The following MYH10 variants were observed in gnomAD, a reference collection of about 807,000 sequenced individuals.
The protein encoded by MYH10 is myosin-10.
MYH10 carries 55 observed loss-of-function variants against 257.8 expected under a neutral mutation model. The ratio of observed to expected loss-of-function variants is 0.21; its 90% CI spans 0.17 to 0.27. The LOEUF is 0.27. Ranked by LOEUF, MYH10 falls within the 10% of genes least tolerant of loss-of-function variation. MYH10 has a pLI of 1.00. For synonymous variants in MYH10, 854 were observed against 921.7 expected (o/e 0.93, Z 1.33); for missense variants, 1,631 against 2,500.6 (o/e 0.65, Z 7.42).
At position 8,545,404 on chromosome 17, in the gene MYH10, C is replaced by T; in HGVS notation, c.1431+44G>A. 6.2e-7 allele frequency: 1 copy of T among 1,602,898 alleles called. No individual in the cohort carries two copies. The highest frequency in any genetic ancestry group is 8.5e-7 in the Non-Finnish European group (1 of 1,174,170). On this transcript the variant is annotated intron_variant, in intron 13 of 42. Coordinates refer to ENST00000360416, the MANE Select transcript of MYH10 (RefSeq NM_001256012.3). The surrounding 1 kb of genome is among the most constrained non-coding windows in gnomAD (Gnocchi z 4.7). ...TAAGCCTTCATATTTGTTAAAAGAACAAACAAAAAGAAGGACGAGCTAGAG... is the reference window on the plus strand; with the variant it reads ...TAAGCCTTCATATTTGTTAAAAGAATAAACAAAAAGAAGGACGAGCTAGAG...
intron 6 of MYH10, among the ~76,000 whole-genome samples, chr17:8,572,249 TGTGTGTGTGAGTGAGA>T (rs1567920183): frequency 5.2e-5 from 5 of 96,564 alleles, no homozygotes; most frequent in East Asian, 2.9e-4. Context: ...TGTGTGTGTG[TGTGTGTGTGAGTGAGA>T]GAGAGAGAGA....
intron 3 of MYH10, among the ~76,000 whole-genome samples, chr17:8,595,422 GTTC>G (rs1460684806): frequency 3.3e-5 from 2 of 61,182 alleles, no homozygotes; most frequent in African/African-American, 7.0e-5. Context: ...AGTAAGAACA[GTTC>G]TTTTTTTTTT....
At chr17:8,573,706 T>C (rs1215420922) in intron 6 of MYH10, 1 of 441,286 alleles carries the variant, frequency 2.3e-6, no homozygotes, top group African/African-American at 2.1e-5. Context: ...ATAAGACCTT[T>C]AATTTTGTTA....
intron 30 of MYH10, 83 bp downstream of exon 30, chr17:8,499,187 T>G: frequency 7.2e-7 from 1 of 1,382,752 alleles, no homozygotes; most frequent in Non-Finnish European, 9.9e-7. Flanking sequence ...TGGCCATGGG[T>G]CTCTTATTGC....
At chr17:8,497,174 C>T (rs753256122) in intron 30 of MYH10, among the ~76,000 whole-genome samples, 9 of 152,190 alleles carry the variant, frequency 5.9e-5, no homozygotes, top group Non-Finnish European at 1.0e-4. Flanking sequence ...AAATCTTTGC[C>T]ATGAGCAGGC....
chr17:8,622,868 C>G (rs751086861), intron 2 of MYH10, 34 bp downstream of exon 2: 4 of 1,598,666 alleles, frequency 2.5e-6, no homozygotes, highest in Non-Finnish European at 3.4e-6. Flanking sequence ...TTCCTAGCTA[C>G]CACTTCACAT....
intron 7 of MYH10, among the ~76,000 whole-genome samples, chr17:8,566,397 G>A (rs2083168860): frequency 6.6e-6 from 1 of 152,306 alleles, no homozygotes; most frequent in Admixed American, 6.5e-5. Flanking sequence ...GGCAGAGTGT[G>A]TAACTTCTGT....
intron 9 of MYH10, among the ~76,000 whole-genome samples, chr17:8,550,279 T>C (rs561924003): frequency 1.0e-3 from 154 of 151,586 alleles, no homozygotes; most frequent in African/African-American, 3.3e-3. Flanking sequence ...ATCTAGGAAG[T>C]GAGGAGCGTC....
chr17:8,503,233 A>G (rs1171959068), intron 28 of MYH10, among the ~76,000 whole-genome samples: 3 of 152,214 alleles, frequency 2.0e-5, no homozygotes, highest in Admixed American at 1.3e-4. Flanking sequence ...CAGTGAGCCG[A>G]GATCGCACCA....
At chr17:8,556,702 C>G (rs2082812929) in intron 7 of MYH10, among the ~76,000 whole-genome samples, 1 of 152,172 alleles carries the variant, frequency 6.6e-6, no homozygotes, top group Non-Finnish European at 1.5e-5. Flanking sequence ...GCTCACTACA[C>G]TACGTACACA....
chr17:8,542,030 T>G, intron 14 of MYH10, 77 bp downstream of exon 14: 1 of 1,405,834 alleles, frequency 7.1e-7, no homozygotes, highest in Middle Eastern at 1.8e-4. Flanking sequence ...ACTGGGTAAT[T>G]TCTGTCTTGG....
intron 3 of MYH10, among the ~76,000 whole-genome samples, chr17:8,603,601 T>C (rs1017814071): frequency 2.8e-4 from 43 of 152,130 alleles, no homozygotes; most frequent in African/African-American, 1.0e-3. Flanking sequence ...CTCCCACATA[T>C]GGCACAGTTT....
intron 17 of MYH10, among the ~76,000 whole-genome samples, chr17:8,523,318 C>A (rs568818177): frequency 2.0e-5 from 3 of 152,350 alleles, no homozygotes; most frequent in Non-Finnish European, 4.4e-5. Context: ...CTGGCACCAA[C>A]ATACTTCATA....
At chr17:8,560,627 G>A (rs1204799823) in intron 7 of MYH10, 3 of 889,934 alleles carry the variant, frequency 3.4e-6, no homozygotes, top group Non-Finnish European at 5.2e-6. Flanking sequence ...AAGGGTTCCT[G>A]CTTTCACAGA....
chr17:8,516,518 T>C (rs2081473524), intron 21 of MYH10, among the ~76,000 whole-genome samples: 2 of 152,258 alleles, frequency 1.3e-5, no homozygotes, highest in Admixed American at 6.5e-5. Context: ...CATGGATTTG[T>C]TAGCTTTAAG....
intron 21 of MYH10, among the ~76,000 whole-genome samples, chr17:8,517,214 T>C (rs2081502224): frequency 6.6e-6 from 1 of 152,204 alleles, no homozygotes; most frequent in Non-Finnish European, 1.5e-5. Context: ...CCCGAAGATA[T>C]CATCTATTTG....
intron 2 of MYH10, among the ~76,000 whole-genome samples, chr17:8,612,719 C>T (rs897465578): frequency 5.3e-5 from 8 of 151,914 alleles, no homozygotes; most frequent in African/African-American, 7.3e-5. Context: ...GGCGTGGTGG[C>T]GCACGCCTGT....
intron 6 of MYH10, among the ~76,000 whole-genome samples, chr17:8,572,623 A>G (rs535436135): frequency 9.9e-5 from 15 of 152,238 alleles, no homozygotes; most frequent in African/African-American, 3.6e-4. Context: ...TTCTAGAACT[A>G]TTTGGGGAGG....
Position 8,480,464 on chromosome 17 carries a change from GCTC to G in MYH10, c.5323_5325del (p.Glu1775del). 5 of 1,612,760 alleles carry G rather than the reference GCTC, an allele frequency of 3.1e-6. No individual in the cohort carries two copies. Among genetic ancestry groups the G allele is most frequent in the Non-Finnish European group, 3.4e-6 (4 of 1,180,000 alleles). On this transcript the variant is annotated inframe_deletion, in exon 39 of 43. Transcript: ENST00000360416. ...TCCATGTTGCTCTGCTCCTCTTCCA[GCTC>G]CTCCTCCAGCTGTGCGATCCGAGCT...
Sources: allele counts gnomAD v4.1 joint callset (sites outside exome capture counted in the v4.1 genomes callset), GRCh38; gene constraint gnomAD v4.1.1; non-coding constraint Gnocchi (gnomAD v3.1); transcripts MANE v1.5; gene names NCBI Gene and HGNC (gene_info 2026-07-23, HGNC 2026-07-21).